ANKRD26: variants seen among roughly 807,000 people sequenced by gnomAD.
ANKRD26 encodes the protein ankyrin repeat domain 26.
Under a neutral mutation model 208.7 loss-of-function variants are expected in ANKRD26, and 141 were observed. The ratio of observed to expected loss-of-function variants is 0.68; its 90% CI spans 0.59 to 0.78. The LOEUF (loss-of-function observed/expected upper bound fraction) is 0.78, where lower values mean the gene tolerates loss of function less well. Ranked by LOEUF, ANKRD26 falls within the 30% of genes least tolerant of loss-of-function variation. ANKRD26 has a pLI of 0.00. For synonymous variants in ANKRD26, 636 were observed against 660.4 expected (o/e 0.96, Z 0.57); for missense variants, 1,889 against 1,938.7 (o/e 0.97, Z 0.48).
intron 30 of ANKRD26, among the ~76,000 whole-genome samples, chr10:27,016,379 TCTC>T (rs2053292772): frequency 6.6e-6 from 1 of 151,302 alleles, no homozygotes; most frequent in African/African-American, 2.4e-5. Flanking sequence ...TTCAAGCAGT[TCTC>T]CTGCCTCAGT....
At chr10:26,962,361 G>T in the ANKRD26 span, among the ~76,000 whole-genome samples, 3 of 152,104 alleles carry the variant, frequency 2.0e-5, no homozygotes, top group Non-Finnish European at 4.4e-5. Context: ...GATCACCTGA[G>T]GTCAGGAGTT....
chr10:27,002,703 T>C (rs894264144), downstream of ANKRD26, among the ~76,000 whole-genome samples: 2 of 152,222 alleles, frequency 1.3e-5, no homozygotes, highest in Non-Finnish European at 2.9e-5. Flanking sequence ...ACAAATGCTG[T>C]GGTACACAAT....
chr10:27,014,579 A>G lies in ANKRD26; in HGVS notation c.4639T>C (p.Phe1547Leu), dbSNP rs2053227182. ...LSKIKTSQED[F>L]NKTELEKYKQ... ...TATTTTTCCAGTTCGGTTTTATTAA[A>G]GTCTTCTTGAGAAGTTTTTATTTTG... The change falls in exon 31 of 34, where the codon TTT (phenylalanine) becomes CTT (leucine). Residue 1547 changes from phenylalanine to leucine, a missense_variant. This residue lies in a region of ANKRD26 where 613 missense variants were observed against 648.2 expected (regional missense o/e 0.95). Transcript: ENST00000376087. 1 of 1,609,182 alleles carries G rather than the reference A, an allele frequency of 6.2e-7. No individual in the cohort carries two copies. The highest frequency in any genetic ancestry group is 1.7e-5 in the Admixed American group (1 of 59,742).
At position 27,059,448 on chromosome 10, in the gene ANKRD26, G is replaced by A. The variant is rs183601706; in HGVS notation, c.1564+897C>T. 1.1e-4 allele frequency among the ~76,000 whole-genome samples: 16 copies of A among 152,182 alleles called. No individual in the cohort carries two copies. The East Asian group carries it at 2.1e-3, about 20-fold the overall frequency. On this transcript the variant is annotated intron_variant, in intron 15 of 33. Coordinates refer to ENST00000376087, the MANE Select transcript of ANKRD26 (RefSeq NM_014915.3). ...CAAATTCTATGTATTATTTATAGAC[G>A]TATACATACACAGGAAAATGTTTTA...
At chr10:27,013,257 A>G (rs2053178655) in intron 31 of ANKRD26, 147 bp from the exon 32 acceptor site, 2 of 722,908 alleles carry the variant, frequency 2.8e-6, no homozygotes, top group African/African-American at 1.8e-5. Flanking sequence ...GTGTCAGACC[A>G]TGCCTACTGT....
intron 5 of ANKRD26, among the ~76,000 whole-genome samples, chr10:27,083,985 C>A (rs1303600423): frequency 6.6e-6 from 1 of 152,062 alleles, no homozygotes; most frequent in African/African-American, 2.4e-5. Flanking sequence ...GAGGCTGAGG[C>A]GGGCAGAACA....
At chr10:27,002,386 G>T (rs193216261), downstream of ANKRD26, among the ~76,000 whole-genome samples, 1 of 152,198 alleles carries the variant, frequency 6.6e-6, no homozygotes, top group East Asian at 1.9e-4. Flanking sequence ...GAGTTTGCAC[G>T]TTCTCCCCTT....
downstream of ANKRD26, among the ~76,000 whole-genome samples, chr10:27,000,480 A>G (rs968467726): frequency 5.9e-5 from 9 of 152,184 alleles, no homozygotes; most frequent in African/African-American, 2.2e-4. Context: ...ACTATTACAG[A>G]TATTTTTTGT....
At chr10:26,949,788 C>A in the ANKRD26 span, among the ~76,000 whole-genome samples, 1 of 152,132 alleles carries the variant, frequency 6.6e-6, no homozygotes, top group Non-Finnish European at 1.5e-5. Context: ...CAGGTGTGAC[C>A]CACCGTGCCC....
chr10:26,986,461 G>A, intron 3 of ANKRD26, among the ~76,000 whole-genome samples: 1 of 152,110 alleles, frequency 6.6e-6, no homozygotes, highest in Non-Finnish European at 1.5e-5. Context: ...CTTCTGCACA[G>A]CAAAAGAAAC....
At chr10:27,023,233 T>C (rs916626799) in intron 28 of ANKRD26, among the ~76,000 whole-genome samples, 6 of 151,396 alleles carry the variant, frequency 4.0e-5, no homozygotes, top group Admixed American at 2.0e-4. Context: ...GGAGGCTGAG[T>C]TGGGAGGCGG....
downstream of ANKRD26, among the ~76,000 whole-genome samples, chr10:27,003,272 A>G (rs1194723359): frequency 1.3e-5 from 2 of 152,192 alleles, no homozygotes; most frequent in East Asian, 1.9e-4. Flanking sequence ...AGTCAGCTTG[A>G]AATGGCTACT....
chr10:26,969,484 C>A (rs1453756701), downstream of ANKRD26, among the ~76,000 whole-genome samples: 2 of 152,124 alleles, frequency 1.3e-5, no homozygotes, highest in African/African-American at 4.8e-5. Flanking sequence ...CTGTTCATTG[C>A]TCTCTCACCA....
chr10:26,955,045 T>C, the ANKRD26 span, among the ~76,000 whole-genome samples: 1,366 of 151,536 alleles, frequency 9.0e-3, 23 homozygotes, highest in African/African-American at 0.032. Flanking sequence ...GCAGAATGCA[T>C]GTGATTGTGT....
intron 3 of ANKRD26, among the ~76,000 whole-genome samples, chr10:26,984,214 T>C (rs149175518): frequency 6.6e-6 from 1 of 152,318 alleles, no homozygotes; most frequent in East Asian, 1.9e-4. Flanking sequence ...ATAATCATCA[T>C]AATGGCTAAT....
the ANKRD26 span, among the ~76,000 whole-genome samples, chr10:26,954,808 T>G: frequency 1.8e-4 from 28 of 152,042 alleles, no homozygotes; most frequent in East Asian, 5.0e-3. Context: ...TTTCTTTTCC[T>G]CTACAGCTTT....
At chr10:27,039,330 TG>T (rs2054150206) in intron 21 of ANKRD26, among the ~76,000 whole-genome samples, 1 of 152,050 alleles carries the variant, frequency 6.6e-6, no homozygotes, top group East Asian at 1.9e-4. Context: ...GGCGTGCGCC[TG>T]TAATCCCAGC....
At chr10:26,949,544 C>T in the ANKRD26 span, among the ~76,000 whole-genome samples, 8 of 152,024 alleles carry the variant, frequency 5.3e-5, no homozygotes, top group Non-Finnish European at 7.4e-5. Flanking sequence ...CTCACTCTGT[C>T]GCCCAGGCTG....
downstream of ANKRD26, among the ~76,000 whole-genome samples, chr10:26,999,271 T>A (rs1437147924): frequency 6.6e-6 from 1 of 152,260 alleles, no homozygotes; most frequent in Non-Finnish European, 1.5e-5. Flanking sequence ...AATATTTGCA[T>A]GACAATTCGC....
Sources: allele counts gnomAD v4.1 joint callset (sites outside exome capture counted in the v4.1 genomes callset), GRCh38; gene constraint gnomAD v4.1.1; regional missense constraint gnomAD v4.1.1; transcripts MANE v1.5; gene names NCBI Gene and HGNC (gene_info 2026-07-23, HGNC 2026-07-21).